The following NLGN1 variants were observed in gnomAD, a reference collection of about 807,000 sequenced individuals.
NLGN1 encodes neuroligin 1.
Under a neutral mutation model 65.5 loss-of-function variants are expected in NLGN1, and 12 were observed. The ratio of observed to expected loss-of-function variants is 0.18; its 90% CI spans 0.12 to 0.30. NLGN1 has a LOEUF of 0.30. NLGN1 is among the 10% of genes least tolerant of loss of function. NLGN1 has a pLI of 1.00. For synonymous variants in NLGN1, 350 were observed against 359.5 expected, an observed-to-expected ratio of 0.97 and a Z score of 0.30; for missense variants, 750 against 1,007.1, an observed-to-expected ratio of 0.74 and a Z score of 3.46.
chr3:173,412,934 G>A (rs1041716773), intron 1 of NLGN1, among the ~76,000 whole-genome samples: 1 of 152,164 alleles, frequency 6.6e-6, no homozygotes, highest in Non-Finnish European at 1.5e-5. Flanking sequence ...CGCTTTCCAC[G>A]TAACAGTAAT....
Position 174,038,639 on chromosome 3 carries a change from G to C in NLGN1, c.646+230807G>C, listed in dbSNP as rs184014493. Among the ~76,000 whole-genome samples, 325 of 151,832 alleles carry C rather than the reference G, an allele frequency of 2.1e-3. 1 individual carries two copies. The highest frequency in any genetic ancestry group is 3.8e-3 in the Non-Finnish European group (259 of 67,990). On this transcript the variant is annotated intron_variant, in intron 4 of 6. Coordinates refer to ENST00000457714, the Ensembl canonical transcript of NLGN1. ...CATCTTATGGAATATTTACTCTAAGGTTACCCCCCTGAGTCCATACCTGGT... is the reference window on the plus strand; with the variant it reads ...CATCTTATGGAATATTTACTCTAAGCTTACCCCCCTGAGTCCATACCTGGT...
chr3:173,933,758 A>G (rs750915893), intron 4 of NLGN1, among the ~76,000 whole-genome samples: 8 of 152,152 alleles, frequency 5.3e-5, no homozygotes, highest in Non-Finnish European at 1.2e-4. Context: ...AAATCCCATT[A>G]GGCAGTGACT....
chr3:173,890,003 G>A (rs1384090989), intron 4 of NLGN1, among the ~76,000 whole-genome samples: 1 of 152,056 alleles, frequency 6.6e-6, no homozygotes, highest in East Asian at 1.9e-4. Flanking sequence ...GTGTGTGTGT[G>A]TGTGTGTGTT....
At chr3:174,263,855 A>G (rs1747456125) in intron 4 of NLGN1, among the ~76,000 whole-genome samples, 1 of 151,012 alleles carries the variant, frequency 6.6e-6, no homozygotes, top group South Asian at 2.1e-4. Context: ...CGCTTCCTTC[A>G]GGAGCTCTTT....
intron 1 of NLGN1, among the ~76,000 whole-genome samples, chr3:173,412,342 A>G (rs1712755132): frequency 6.6e-6 from 1 of 150,626 alleles, no homozygotes; most frequent in South Asian, 2.1e-4. Context: ...ACACACACAC[A>G]CAGTGTGCAC....
intron 1 of NLGN1, among the ~76,000 whole-genome samples, chr3:173,416,671 A>G (rs1713860099): frequency 6.6e-6 from 1 of 152,180 alleles, no homozygotes; most frequent in East Asian, 1.9e-4. Flanking sequence ...TCTTACTTAG[A>G]TATCATTCCA....
chr3:173,577,227 T>C (rs1745639201), intron 2 of NLGN1, among the ~76,000 whole-genome samples: 1 of 152,188 alleles, frequency 6.6e-6, no homozygotes, highest in Admixed American at 6.5e-5. Context: ...AGGATGTGAA[T>C]TGTGAGTTGG....
intron 2 of NLGN1, among the ~76,000 whole-genome samples, chr3:173,452,146 T>A (rs1198762187): frequency 1.3e-5 from 2 of 151,812 alleles, no homozygotes; most frequent in Non-Finnish European, 2.9e-5. Context: ...ATCTTCTGCG[T>A]CACTCGCGCT....
intron 4 of NLGN1, among the ~76,000 whole-genome samples, chr3:173,862,374 C>T (rs1322668234): frequency 6.7e-6 from 1 of 150,326 alleles, no homozygotes; most frequent in African/African-American, 2.4e-5. Context: ...GGCGTAGTGG[C>T]GGGCGCCTGT....
chr3:173,533,744 G>A (rs994181859), intron 2 of NLGN1, among the ~76,000 whole-genome samples: 13 of 152,204 alleles, frequency 8.5e-5, no homozygotes, highest in Non-Finnish European at 1.6e-4. Context: ...AGCACTTTGG[G>A]AGGTCGAGGC....
intron 4 of NLGN1, among the ~76,000 whole-genome samples, chr3:174,208,145 A>T (rs1426160214): frequency 6.6e-6 from 1 of 152,212 alleles, no homozygotes; most frequent in African/African-American, 2.4e-5. Context: ...ATATCATTCA[A>T]TTCCAATTCT....
chr3:173,865,251 TA>T (rs1729908372), intron 4 of NLGN1, among the ~76,000 whole-genome samples: 1 of 152,286 alleles, frequency 6.6e-6, no homozygotes, highest in Admixed American at 6.5e-5. Flanking sequence ...TCTTTTTTTT[TA>T]ATCTCAATTT....
chr3:173,864,068 T>G (rs1009293522), intron 4 of NLGN1, among the ~76,000 whole-genome samples: 1 of 152,168 alleles, frequency 6.6e-6, no homozygotes, highest in African/African-American at 2.4e-5. Context: ...CATTTAAACA[T>G]TTTTGCTTTG....
intron 4 of NLGN1, among the ~76,000 whole-genome samples, chr3:174,198,861 T>TA (rs1410360848): frequency 9.5e-5 from 14 of 147,588 alleles, no homozygotes; most frequent in African/African-American, 3.5e-4. Context: ...TTTTTTTTTT[T>TA]TTTTTGAGAC....
intron 4 of NLGN1, among the ~76,000 whole-genome samples, chr3:174,149,874 C>G (rs1034205642): frequency 2.3e-4 from 35 of 151,936 alleles, no homozygotes; most frequent in African/African-American, 8.2e-4. Flanking sequence ...GGAAAACAAG[C>G]TGGATTAAAC....
chr3:173,671,905 T>A (rs1005878356), intron 3 of NLGN1, among the ~76,000 whole-genome samples: 1 of 152,214 alleles, frequency 6.6e-6, no homozygotes, highest in Admixed American at 6.5e-5. Flanking sequence ...CCGGGCGTGG[T>A]GGCTCACACC....
chr3:173,415,339 T>C (rs1265001141), intron 1 of NLGN1, among the ~76,000 whole-genome samples: 1 of 152,184 alleles, frequency 6.6e-6, no homozygotes, highest in Admixed American at 6.5e-5. Flanking sequence ...GGGGATAATT[T>C]AAAGCAACTG....
intron 4 of NLGN1, among the ~76,000 whole-genome samples, chr3:174,161,667 T>TAGCAGG (rs1726548409): frequency 1.3e-5 from 2 of 151,872 alleles, no homozygotes; most frequent in Admixed American, 1.3e-4. Context: ...GGAAGAAAGG[T>TAGCAGG]TAGTCAACAG....
rs1738171445 is a variant in NLGN1 at position 173,905,339 on chromosome 3, A to G, written c.646+97507A>G. Among the ~76,000 whole-genome samples the G allele has an allele frequency of 2.6e-5, 4 of 152,344 alleles. No homozygotes were observed. The South Asian group carries it at 8.3e-4, about 32-fold the overall frequency. On this transcript the variant is annotated intron_variant, in intron 4 of 6. Coordinates refer to ENST00000457714, the Ensembl canonical transcript of NLGN1. Reference sequence around the variant, plus strand: ...AAAAGACTCTAGAGTGAGGAGAGCCAAAGGGTCCATATTAGCTTCCAACCC... The same window carrying G: ...AAAAGACTCTAGAGTGAGGAGAGCCGAAGGGTCCATATTAGCTTCCAACCC...
Sources: gnomAD v4.1 joint callset for allele counts (sites outside exome capture counted in the v4.1 genomes callset) on GRCh38, gnomAD v4.1.1 for gene constraint, MANE v1.5 for transcripts, NCBI Gene and HGNC (gene_info 2026-07-23, HGNC 2026-07-21) for gene names.